ASAH2B: variants seen among roughly 807,000 people sequenced by gnomAD.
The protein encoded by ASAH2B is N-acylsphingosine amidohydrolase 2B, also known as putative inactive neutral ceramidase B.
ASAH2B carries 1 observed loss-of-function variant against 2.9 expected under a neutral mutation model. The ratio of observed to expected loss-of-function variants is 0.34; its 90% confidence interval spans 0.12 to 1.63. The LOEUF (loss-of-function observed/expected upper bound fraction) is 1.63, where lower values mean the gene tolerates loss of function less well. Ranked by LOEUF, ASAH2B falls within the 40% of genes most tolerant of loss-of-function variation. The probability of loss-of-function intolerance (pLI) is 0.36; values close to 1 mark genes in which losing one functional copy is unlikely to be tolerated. For missense variants in ASAH2B, 9 were observed against 37.7 expected (o/e 0.24, Z 1.99); for synonymous variants, 4 against 13.3 (o/e 0.30, Z 1.52).
At chr10:50,749,148 C>A (rs917780186) in intron 3 of ASAH2B, among the ~76,000 whole-genome samples, 195 bp from the exon 4 acceptor site, 2 of 138,630 alleles carry the variant, frequency 1.4e-5, no homozygotes, top group African/African-American at 5.7e-5. Context: ...CTACCAAAAG[C>A]AAACTCATTG....
rs1564474596 is a variant in ASAH2B at position 50,757,371 on chromosome 10, G to A, written c.*2631G>A. 6.6e-6 allele frequency: 1 copy of A among 151,790 alleles called. No individual in the cohort carries two copies. The highest frequency in any genetic ancestry group is 6.6e-5 in the Admixed American group (1 of 15,206). 9.4% of individuals were successfully genotyped at this position (151,790 alleles called of 1,614,324 possible). On this transcript the variant is annotated 3_prime_UTR_variant, in exon 6 of 6. Transcript: ENST00000647317. ...CCTTTCTAACTTCTGAAGATGTACT[G>A]CTGGTAAAGCACATGTATGGTTGGC...
chr10:50,740,477 G>A (rs531252946), intron 1 of ASAH2B, among the ~76,000 whole-genome samples: 1 of 152,192 alleles, frequency 6.6e-6, no homozygotes, highest in Admixed American at 6.5e-5. Flanking sequence ...GTTTCCGCTC[G>A]TGTTGTGTGT....
intron 2 of ASAH2B, 40 bp downstream of exon 2, chr10:50,743,050 G>GTC (rs767216286): frequency 6.3e-7 from 1 of 1,597,284 alleles, no homozygotes. Flanking sequence ...GTGCGTGTGT[G>GTC]TGTGTGTGTA....
intron 1 of ASAH2B, among the ~76,000 whole-genome samples, chr10:50,740,642 A>G (rs1259646543): frequency 6.6e-6 from 1 of 152,234 alleles, no homozygotes; most frequent in Non-Finnish European, 1.5e-5. Context: ...AGCACATCAT[A>G]GATAGACCAA....
chr10:50,742,473 G>A (rs1002398866), intron 1 of ASAH2B, among the ~76,000 whole-genome samples: 6 of 152,260 alleles, frequency 3.9e-5, no homozygotes, highest in African/African-American at 1.4e-4. Flanking sequence ...AGATGCATTT[G>A]GCTCAATTTC....
intron 2 of ASAH2B, 47 bp downstream of exon 2, chr10:50,743,057 T>C: frequency 1.3e-6 from 2 of 1,579,058 alleles, no homozygotes; most frequent in Non-Finnish European, 1.7e-6. Flanking sequence ...TGTGTGTGTG[T>C]GTATGTCTGT....
intron 2 of ASAH2B, chr10:50,744,588 A>C (rs1472241434): frequency 6.6e-6 from 1 of 151,770 alleles, no homozygotes; most frequent in Non-Finnish European, 1.5e-5. Context: ...TTATGACACT[A>C]TTAAAAATGG....
intron 3 of ASAH2B, among the ~76,000 whole-genome samples, chr10:50,748,128 T>C (rs1316124666): frequency 2.7e-5 from 4 of 147,692 alleles, no homozygotes; most frequent in East Asian, 2.0e-4. Flanking sequence ...GGAATTTATC[T>C]TTATAGGAAT....
intron 2 of ASAH2B, among the ~76,000 whole-genome samples, chr10:50,744,453 A>G (rs1839878238): frequency 1.3e-5 from 2 of 151,820 alleles, no homozygotes; most frequent in African/African-American, 4.9e-5. Context: ...AGTTGTAAAG[A>G]TTAAATCTAT....
chr10:50,748,084 AT>A (rs1263413556), intron 3 of ASAH2B, among the ~76,000 whole-genome samples: 1 of 149,526 alleles, frequency 6.7e-6, no homozygotes, highest in Non-Finnish European at 1.5e-5. Flanking sequence ...CATATGTCCT[AT>A]TTTTTTCCTT....
At chr10:50,742,349 C>T (rs1839843832) in intron 1 of ASAH2B, among the ~76,000 whole-genome samples, 1 of 152,096 alleles carries the variant, frequency 6.6e-6, no homozygotes, top group Non-Finnish European at 1.5e-5. Flanking sequence ...ATGACATTCG[C>T]TGAGATGAGA....
chr10:50,747,766 T>C (rs1202581742), intron 3 of ASAH2B, among the ~76,000 whole-genome samples: 1 of 151,948 alleles, frequency 6.6e-6, no homozygotes, highest in Non-Finnish European at 1.5e-5. Context: ...TGTATAATCC[T>C]TTTTAGATGT....
intron 3 of ASAH2B, among the ~76,000 whole-genome samples, chr10:50,746,398 T>C (rs1220096885): frequency 3.3e-5 from 5 of 151,542 alleles, no homozygotes; most frequent in Non-Finnish European, 5.9e-5. Flanking sequence ...TATCCATTCA[T>C]CCATTGATGG....
chr10:50,744,491 T>C (rs566582733), intron 2 of ASAH2B, among the ~76,000 whole-genome samples: 1 of 151,646 alleles, frequency 6.6e-6, no homozygotes, highest in Non-Finnish European at 1.5e-5. Flanking sequence ...GCATTAAATA[T>C]TCATTGAAAT....
rs2132736890 is a variant in ASAH2B at position 50,756,669 on chromosome 10, A to G, written c.*1929A>G. On this transcript the variant is annotated 3_prime_UTR_variant, in exon 6 of 6. Transcript: ENST00000647317. ...ATCATCTACTGATCCTTCTGCACCT[A>G]GCACTCTTGGCTCCAGATAACGCAC... 1 of 152,184 alleles carries G rather than the reference A, an allele frequency of 6.6e-6. No individual in the cohort carries two copies. The highest frequency in any genetic ancestry group is 2.1e-4 in the South Asian group (1 of 4,830). 9.4% of individuals were successfully genotyped at this position (152,184 alleles called of 1,614,324 possible).
intron 1 of ASAH2B, among the ~76,000 whole-genome samples, chr10:50,741,200 G>A (rs897862734): frequency 6.6e-6 from 1 of 152,088 alleles, no homozygotes; most frequent in East Asian, 1.9e-4. Context: ...TTAAGGGTGG[G>A]GCCTTTGCCA....
intron 2 of ASAH2B, 32 bp downstream of exon 2, chr10:50,743,042 G>T: frequency 6.4e-7 from 1 of 1,555,850 alleles, no homozygotes; most frequent in African/African-American, 1.4e-5. Context: ...GTGCGTGCGT[G>T]CGTGTGTGTG....
intron 2 of ASAH2B, chr10:50,743,679 C>A (rs1839867036): frequency 6.6e-6 from 1 of 151,404 alleles, no homozygotes; most frequent in Non-Finnish European, 1.5e-5. Flanking sequence ...AAAGGAACTT[C>A]ACTTGTGGAA....
chr10:50,742,063 C>G (rs549323729), intron 1 of ASAH2B, among the ~76,000 whole-genome samples: 65 of 152,242 alleles, frequency 4.3e-4, no homozygotes, highest in African/African-American at 1.4e-3. Context: ...GTATAACCAA[C>G]CCTCATGACA....
Sources: allele counts gnomAD v4.1 joint callset (sites outside exome capture counted in the v4.1 genomes callset), GRCh38; gene constraint gnomAD v4.1.1; transcripts MANE v1.5; gene names NCBI Gene and HGNC (gene_info 2026-07-23, HGNC 2026-07-21).